BSDC1: variants seen among roughly 807,000 people sequenced by gnomAD.
The protein encoded by BSDC1 is BSD domain-containing protein 1.
BSDC1 carries 29 observed loss-of-function variants against 56.0 expected under a neutral mutation model. That is an observed-to-expected ratio of 0.52 (90% CI 0.39 to 0.71). The LOEUF (loss-of-function observed/expected upper bound fraction) is 0.71. Among genes scored for constraint, BSDC1 ranks in the 30% least tolerant of loss-of-function variants. The probability of loss-of-function intolerance (pLI) is 0.00; values close to 1 mark genes in which losing one functional copy is unlikely to be tolerated. For missense variants in BSDC1, 477 were observed against 548.5 expected (o/e 0.87, Z 1.30); for synonymous variants, 210 against 215.3 (o/e 0.98, Z 0.21).
Position 32,378,131 on chromosome 1 carries a change from C to A in BSDC1, c.598-83G>T. The A allele has an allele frequency of 6.2e-7, 1 of 1,602,496 alleles. No homozygotes were observed. On this transcript the variant is annotated intron_variant, in intron 7 of 10. Coordinates refer to ENST00000455895, the MANE Select transcript of BSDC1 (RefSeq NM_018045.8). This position sits in a 1 kb window ranked among gnomAD's most constrained non-coding sequence, Gnocchi z 5.2. The stretch of plus-strand genomic sequence containing the variant: ...GGTCCTGATCCCACAACTCTTGGCA[C>A]CCTGTATCCCTTTCTTCTCTCAATA...
intron 10 of BSDC1, chr1:32,367,793 G>A: frequency 1.1e-6 from 1 of 890,244 alleles, no homozygotes; most frequent in Non-Finnish European, 1.3e-6. Flanking sequence ...TGGTCACCAT[G>A]TCTCAGGCAA....
chr1:32,390,511 A>G (rs1642828645), intron 2 of BSDC1, among the ~76,000 whole-genome samples: 1 of 152,174 alleles, frequency 6.6e-6, no homozygotes, highest in Non-Finnish European at 1.5e-5. Flanking sequence ...AAAATCCTGG[A>G]GGAGGAGCAG....
At chr1:32,377,347 A>G (rs1289172505) in intron 8 of BSDC1, among the ~76,000 whole-genome samples, 1 of 152,188 alleles carries the variant, frequency 6.6e-6, no homozygotes, top group Non-Finnish European at 1.5e-5. Flanking sequence ...GGACTCTGCT[A>G]CATCCTAGGT....
At chr1:32,385,782 A>G (rs1362410027) in intron 3 of BSDC1, among the ~76,000 whole-genome samples, 4 of 152,194 alleles carry the variant, frequency 2.6e-5, no homozygotes, top group Admixed American at 2.0e-4. Flanking sequence ...AAGTTGGTAC[A>G]ACATTTCTGG....
chr1:32,390,267 A>C (rs1401348995), intron 2 of BSDC1, among the ~76,000 whole-genome samples: 5 of 152,196 alleles, frequency 3.3e-5, no homozygotes, highest in Non-Finnish European at 7.3e-5. Flanking sequence ...AGGAAGAAGG[A>C]AGACCAGTCA....
chr1:32,386,635 C>G, intron 3 of BSDC1, 144 bp downstream of exon 3: 1 of 527,882 alleles, frequency 1.9e-6, no homozygotes, highest in Non-Finnish European at 3.3e-6. Flanking sequence ...TTGCCAGACA[C>G]AATTCTTTCA....
chr1:32,381,063 C>T, intron 5 of BSDC1, 151 bp downstream of exon 5: 2 of 666,906 alleles, frequency 3.0e-6, no homozygotes, highest in South Asian at 2.0e-5. Flanking sequence ...ATCCACCCAC[C>T]CCACAAAGTA....
intron 2 of BSDC1, among the ~76,000 whole-genome samples, chr1:32,387,866 A>C (rs1642726976): frequency 6.6e-6 from 1 of 152,310 alleles, no homozygotes; most frequent in East Asian, 1.9e-4. Context: ...ACATTCAACA[A>C]AGGAGGAAGC....
chr1:32,391,186 C>T (rs1318136240), intron 2 of BSDC1, among the ~76,000 whole-genome samples: 2 of 152,036 alleles, frequency 1.3e-5, no homozygotes, highest in South Asian at 2.1e-4. Flanking sequence ...TGATCACTAG[C>T]GTCAAATGCA....
chr1:32,378,083 AG>A lies in BSDC1; in HGVS notation c.598-36del. 1 of 1,598,674 alleles carries A rather than the reference AG, an allele frequency of 6.3e-7. No homozygotes were observed. ...GGGGAGCAGAAGGCCACAGGCAGTC[AG>A]GGCACCCTCTTCCTAGACCCTGGTC... On this transcript the variant is annotated intron_variant, in intron 7 of 10. Coordinates refer to ENST00000455895, the MANE Select transcript of BSDC1 (RefSeq NM_018045.8). The surrounding 1 kb of genome is among the most constrained non-coding windows in gnomAD (Gnocchi z 5.2).
chr1:32,368,528 C>G lies in BSDC1; in HGVS notation c.1179G>C (p.Glu393Asp), dbSNP rs142593715. 3.7e-6 allele frequency: 6 copies of G among 1,614,036 alleles called. No individual in the cohort carries two copies. Residue 393 changes from glutamate (E) to aspartate (D), a missense_variant, in exon 10 of 11, where the codon GAG becomes GAC. Transcript: ENST00000455895. ...CCAAGTCAAAGTCTTTCTCCCAGTC[C>G]TCACTGATGTCCGTGCTTGAGCCTG... ...GKKGSSTDISEDWEKDFDLDM... is the reference protein window; with the variant it reads ...GKKGSSTDISDDWEKDFDLDM...
At chr1:32,373,249 T>C (rs115069389) in intron 9 of BSDC1, among the ~76,000 whole-genome samples, 4,604 of 152,292 alleles carry the variant, frequency 0.03, 87 homozygotes, top group Non-Finnish European at 0.038. Flanking sequence ...GAGTCTTCTA[T>C]AGCACATCCT....
intron 3 of BSDC1, 86 bp from the exon 4 acceptor site, chr1:32,384,083 G>A (rs1642583007): frequency 6.3e-7 from 1 of 1,583,220 alleles, no homozygotes; most frequent in Non-Finnish European, 8.6e-7. Context: ...GGGCAAAGGT[G>A]TACCGTGTGT....
Position 32,378,029 on chromosome 1 carries a change from G to A in BSDC1, c.617C>T (p.Ala206Val). The A allele has an allele frequency of 1.2e-6, 2 of 1,612,878 alleles. No homozygotes were observed. Among genetic ancestry groups the A allele is most frequent in the Non-Finnish European group, 1.7e-6 (2 of 1,179,338 alleles). ...GCTCTGTTCCGCCCGCTGCTTCAGGGCGTCCCTCCGGGCCTGCTCCTGAAT... is the reference window on the plus strand; with the variant it reads ...GCTCTGTTCCGCCCGCTGCTTCAGGACGTCCCTCCGGGCCTGCTCCTGAAT... ...QLEQEQARRD[A>V]LKQRAEQSIS... Residue 206 changes from alanine (A) to valine (V), a missense_variant, in exon 8 of 11, where the codon GCC becomes GTC. By Grantham distance (64) the Ala-to-Val change is moderately conservative. Transcript: ENST00000455895. This position sits in a 1 kb window ranked among gnomAD's most constrained non-coding sequence, Gnocchi z 5.2.
At chr1:32,370,440 T>C (rs558066182) in intron 9 of BSDC1, among the ~76,000 whole-genome samples, 34 of 152,272 alleles carry the variant, frequency 2.2e-4, no homozygotes, top group African/African-American at 3.6e-4. Flanking sequence ...TTAGAACACA[T>C]AGTTGGCACT....
intron 2 of BSDC1, among the ~76,000 whole-genome samples, chr1:32,388,151 G>A (rs998716769): frequency 5.3e-5 from 8 of 152,056 alleles, no homozygotes; most frequent in Admixed American, 3.9e-4. Context: ...CATCTTACAC[G>A]GGGATAATCA....
rs1425719978 is a variant in BSDC1 at position 32,380,131 on chromosome 1, C to G, written c.412+1083G>C. Reference sequence around the variant, plus strand: ...AGAGGTCTAGAGCTACTACTGTGAGCCTTTTAGGCCAAAATTCCAACTGCC... The same window carrying G: ...AGAGGTCTAGAGCTACTACTGTGAGGCTTTTAGGCCAAAATTCCAACTGCC... On this transcript the variant is annotated intron_variant, in intron 5 of 10. Transcript: ENST00000455895. Among the ~76,000 whole-genome samples the G allele has an allele frequency of 7.2e-5, 11 of 152,170 alleles. No homozygotes were observed. The East Asian group carries it at 1.3e-3, about 19-fold the overall frequency.
At chr1:32,377,753 C>G (rs550368047) in intron 8 of BSDC1, among the ~76,000 whole-genome samples, 1 of 152,218 alleles carries the variant, frequency 6.6e-6, no homozygotes, top group Non-Finnish European at 1.5e-5. Context: ...GGAATCTACA[C>G]CAACTGACAC....
chr1:32,383,879 G>C lies in BSDC1; in HGVS notation c.308C>G (p.Thr103Ser). The C allele has an allele frequency of 1.2e-6, 2 of 1,612,350 alleles. No individual in the cohort carries two copies. Among genetic ancestry groups the C allele is most frequent in the Non-Finnish European group, 1.7e-6 (2 of 1,180,034 alleles). ...TGTGCCAGACGGTGTGCCCATCAGG[G>C]TGATGACATCGCAGTCGATGGTTTT... ...PDKTIDCDVI[T>S]LMGTPSGTAE... The change falls in exon 4 of 11, where the codon ACC becomes AGC. Residue 103 changes from threonine (T) to serine (S), a missense_variant. Thr to Ser is a moderately conservative substitution (Grantham distance 58). Coordinates refer to ENST00000455895, the MANE Select transcript of BSDC1 (RefSeq NM_018045.8).
Sources: gnomAD v4.1 joint callset for allele counts (sites outside exome capture counted in the v4.1 genomes callset) on GRCh38, gnomAD v4.1.1 for gene constraint, Gnocchi (gnomAD v3.1) non-coding constraint, MANE v1.5 for transcripts, NCBI Gene and HGNC (gene_info 2026-07-23, HGNC 2026-07-21) for gene names.